MAP3K5: variants seen among roughly 807,000 people sequenced by gnomAD.
MAP3K5 encodes ASK-1.
Under a neutral mutation model 158.7 loss-of-function variants are expected in MAP3K5, and 56 were observed. That is an observed-to-expected ratio of 0.35 (90% CI 0.28 to 0.44). The LOEUF is 0.44. Ranked by LOEUF, MAP3K5 falls within the 20% of genes least tolerant of loss-of-function variation. The pLI is 1.00. For synonymous variants in MAP3K5, 579 were observed against 601.7 expected (o/e 0.96, Z 0.55); for missense variants, 1,294 against 1,674.8 (o/e 0.77, Z 3.97).
Position 136,609,499 on chromosome 6 carries a change from A to T in MAP3K5, c.2521+1783T>A, listed in dbSNP as rs1262813867. On this transcript the variant is annotated intron_variant, in intron 18 of 29. Coordinates refer to ENST00000359015, the MANE Select transcript of MAP3K5 (RefSeq NM_005923.4). This position sits in a 1 kb window ranked among gnomAD's most constrained non-coding sequence, Gnocchi z 4.4. ...AGCAAAGAGCAAACAGTAGATACAA[A>T]ATCTGAGTTCTGGCTAGGCGTGGGG... is the stretch of plus-strand genomic sequence containing the variant. 6.6e-6 allele frequency among the ~76,000 whole-genome samples: 1 copy of T among 152,018 alleles called. No individual in the cohort carries two copies. Among genetic ancestry groups the T allele is most frequent in the East Asian group, 1.9e-4 (1 of 5,168 alleles).
At chr6:136,687,128 C>T (rs936053763) in intron 7 of MAP3K5, among the ~76,000 whole-genome samples, 2 of 152,264 alleles carry the variant, frequency 1.3e-5, no homozygotes, top group African/African-American at 2.4e-5. Flanking sequence ...CATACATCTC[C>T]GACCATCTGA....
At chr6:136,718,764 C>T (rs770046400) in intron 2 of MAP3K5, among the ~76,000 whole-genome samples, 15 of 152,304 alleles carry the variant, frequency 9.8e-5, no homozygotes, top group Middle Eastern at 6.8e-3. Flanking sequence ...TTTAAAAATA[C>T]TTCCCTAGGA....
intron 1 of MAP3K5, among the ~76,000 whole-genome samples, chr6:136,729,784 G>T (rs1415143996): frequency 6.6e-6 from 1 of 152,260 alleles, no homozygotes; most frequent in East Asian, 1.9e-4. Flanking sequence ...CAGACCGGGG[G>T]CTGGGAGATT....
intron 1 of MAP3K5, among the ~76,000 whole-genome samples, chr6:136,722,675 T>C (rs1317270239): frequency 1.3e-3 from 64 of 50,622 alleles, no homozygotes; most frequent in African/African-American, 2.9e-3. Flanking sequence ...TTTTTTTTCC[T>C]TTTTTTTTTT....
intron 4 of MAP3K5, 75 bp downstream of exon 4, chr6:136,698,414 G>A: frequency 7.8e-7 from 1 of 1,285,722 alleles, no homozygotes. Flanking sequence ...AGGAGCACCT[G>A]ATATCATGCA....
At chr6:136,674,633 G>T (rs1779627006) in intron 7 of MAP3K5, among the ~76,000 whole-genome samples, 1 of 151,920 alleles carries the variant, frequency 6.6e-6, no homozygotes, top group African/African-American at 2.4e-5. Context: ...AAATGTAAAT[G>T]ATCTAATCAT....
intron 8 of MAP3K5, among the ~76,000 whole-genome samples, chr6:136,660,849 A>G (rs1778975602): frequency 6.6e-6 from 1 of 152,182 alleles, no homozygotes; most frequent in African/African-American, 2.4e-5. Context: ...ACAGAAGTTT[A>G]CTTGTTAACT....
intron 2 of MAP3K5, among the ~76,000 whole-genome samples, chr6:136,711,347 G>A (rs1337531823): frequency 2.6e-5 from 4 of 152,032 alleles, no homozygotes; most frequent in Non-Finnish European, 4.4e-5. Context: ...AAGTCATCAC[G>A]CGTCTCATTT....
chr6:136,720,431 C>G lies in MAP3K5; in HGVS notation c.588+19G>C. ...AATGCTGATGTTAAAATGAAACATT[C>G]AGTAAACAAGGGAGGTACCTTCAGT... On this transcript the variant is annotated intron_variant, in intron 2 of 29. Transcript: ENST00000359015. The G allele has an allele frequency of 5.2e-6, 8 of 1,549,472 alleles. No individual in the cohort carries two copies. The highest frequency in any genetic ancestry group is 7.0e-6 in the Non-Finnish European group (8 of 1,147,702).
At chr6:136,660,318 G>C (rs762388517) in intron 8 of MAP3K5, among the ~76,000 whole-genome samples, 11 of 152,078 alleles carry the variant, frequency 7.2e-5, no homozygotes, top group Non-Finnish European at 1.2e-4. Flanking sequence ...TCGGAGGGCC[G>C]AGGTGGGAGG....
intron 25 of MAP3K5, among the ~76,000 whole-genome samples, chr6:136,574,976 A>T (rs1294402503): frequency 2.0e-5 from 3 of 151,948 alleles, no homozygotes; most frequent in Non-Finnish European, 4.4e-5. Flanking sequence ...GGCGTGAGCC[A>T]CCGCGCCCGG....
At position 136,614,115 on chromosome 6, in the gene MAP3K5, A is replaced by G. The variant is rs111939526; in HGVS notation, c.2278+44T>C. On this transcript the variant is annotated intron_variant, in intron 16 of 29. Transcript: ENST00000359015. ...CCCATTCAATTTTACTCCCCTCCGA[A>G]GCTCTAAACATTCACACTTTTTAAA... 3,674 of 1,597,016 alleles carry G rather than the reference A, an allele frequency of 2.3e-3. 77 individuals are homozygous for G. The African/African-American group carries it at 0.045, about 19-fold the overall frequency.
At chr6:136,652,406 T>C (rs1310661019) in intron 10 of MAP3K5, among the ~76,000 whole-genome samples, 1 of 152,150 alleles carries the variant, frequency 6.6e-6, no homozygotes, top group Non-Finnish European at 1.5e-5. Flanking sequence ...TAAGTGAACA[T>C]ATTCTGACTC....
intron 7 of MAP3K5, among the ~76,000 whole-genome samples, chr6:136,685,855 T>C (rs1161896378): frequency 6.6e-6 from 1 of 152,214 alleles, no homozygotes; most frequent in Non-Finnish European, 1.5e-5. Flanking sequence ...TGGGTATATC[T>C]GGCCAGATGC....
chr6:136,596,807 G>A (rs891287347), intron 21 of MAP3K5, among the ~76,000 whole-genome samples: 2 of 152,320 alleles, frequency 1.3e-5, no homozygotes, highest in African/African-American at 2.4e-5. Flanking sequence ...AAGTTATGAC[G>A]ATTTCCAGGC....
At chr6:136,781,373 G>T (rs1784606215) in intron 1 of MAP3K5, among the ~76,000 whole-genome samples, 1 of 152,234 alleles carries the variant, frequency 6.6e-6, no homozygotes, top group Admixed American at 6.5e-5. Flanking sequence ...TAGCAAGAGG[G>T]AATCAGAAGT....
chr6:136,759,045 G>C (rs920961052), intron 1 of MAP3K5, among the ~76,000 whole-genome samples: 1 of 152,090 alleles, frequency 6.6e-6, no homozygotes. Context: ...GTGGTGGCAG[G>C]CACCTGTAAT....
At chr6:136,596,621 C>T (rs1451869268) in intron 21 of MAP3K5, among the ~76,000 whole-genome samples, 1 of 152,112 alleles carries the variant, frequency 6.6e-6, no homozygotes, top group African/African-American at 2.4e-5. Context: ...GGAGGAGTCA[C>T]GGGGGCTCCA....
intron 1 of MAP3K5, among the ~76,000 whole-genome samples, chr6:136,722,773 A>T (rs1157599457): frequency 1.3e-5 from 2 of 151,716 alleles, no homozygotes; most frequent in Non-Finnish European, 2.9e-5. Flanking sequence ...CACAGCCTCA[A>T]AATTCTGGGC....
Sources: gnomAD v4.1 joint callset for allele counts (sites outside exome capture counted in the v4.1 genomes callset) on GRCh38, gnomAD v4.1.1 for gene constraint, Gnocchi (gnomAD v3.1) non-coding constraint, MANE v1.5 for transcripts, NCBI Gene and HGNC (gene_info 2026-07-23, HGNC 2026-07-21) for gene names.